ABCB1: variants seen among roughly 807,000 people sequenced by gnomAD.
The protein encoded by ABCB1 is ATP-dependent translocase ABCB1.
ABCB1 carries 69 observed loss-of-function variants against 142.0 expected under a neutral mutation model. The observed-to-expected ratio is 0.49, with a 90% CI of 0.40 to 0.59. ABCB1 has a LOEUF of 0.59. Ranked by LOEUF, ABCB1 falls within the 20% of genes least tolerant of loss-of-function variation. The pLI is 0.00. For missense variants in ABCB1, 1,326 were observed against 1,554.7 expected (o/e 0.85, Z 2.47); for synonymous variants, 532 against 539.2 (o/e 0.99, Z 0.18).
At chr7:87,618,787 C>A (rs1345854469) in intron 1 of ABCB1, among the ~76,000 whole-genome samples, 2 of 152,048 alleles carry the variant, frequency 1.3e-5, no homozygotes, top group Admixed American at 6.5e-5. Flanking sequence ...AGAGAGAATT[C>A]TTTAGTTAGG....
chr7:87,628,735 G>T, intron 1 of ABCB1: 1 of 800,326 alleles, frequency 1.2e-6, no homozygotes, highest in Non-Finnish European at 1.7e-6. Context: ...GCGCCCCCAC[G>T]GTTGCGGACC....
chr7:87,524,600 G>T (rs1487339662), intron 21 of ABCB1, among the ~76,000 whole-genome samples: 2 of 152,092 alleles, frequency 1.3e-5, no homozygotes, highest in African/African-American at 4.8e-5. Flanking sequence ...AGAGGGAAGG[G>T]GGGAGGGATA....
chr7:87,594,125 A>C (rs1013039060), intron 3 of ABCB1, among the ~76,000 whole-genome samples: 3 of 152,134 alleles, frequency 2.0e-5, no homozygotes, highest in Non-Finnish European at 4.4e-5. Context: ...TTCTATGTTG[A>C]CTTTTCAGGA....
intron 17 of ABCB1, 32 bp from the exon 18 acceptor site, chr7:87,541,496 C>T (rs760083939): frequency 6.8e-7 from 1 of 1,461,546 alleles, no homozygotes; most frequent in South Asian, 1.1e-5. Context: ...ATTTTTAGTT[C>T]AATCAGTGAA....
Position 87,681,483 on chromosome 7 carries a change from C to T in ABCB1, c.-331+31678G>A, listed in dbSNP as rs546580368. 3.4e-4 allele frequency among the ~76,000 whole-genome samples: 51 copies of T among 150,676 alleles called. 2 individuals are homozygous for T. Among genetic ancestry groups the T allele is most frequent in the Non-Finnish European group, 5.5e-4 (37 of 67,822 alleles). ...CAAAAAATTTTTGGTTTCCCCAGTG[C>T]GTATTAAAAGTTGTATTTACACTAC... On this transcript the variant is annotated intron_variant, in intron 1 of 28. Transcript: ENST00000265724.
At chr7:87,562,627 T>G (rs1233738043) in intron 7 of ABCB1, among the ~76,000 whole-genome samples, 2 of 152,156 alleles carry the variant, frequency 1.3e-5, no homozygotes, top group Non-Finnish European at 2.9e-5. Context: ...TTATTATTAA[T>G]ATATCAAACA....
intron 17 of ABCB1, among the ~76,000 whole-genome samples, chr7:87,541,898 A>C (rs1464833506): frequency 6.6e-6 from 1 of 152,216 alleles, no homozygotes; most frequent in Admixed American, 6.5e-5. Flanking sequence ...CACTCAGCCC[A>C]GGCCTTTCAA....
chr7:87,636,447 T>C (rs1821784495), intron 1 of ABCB1, among the ~76,000 whole-genome samples: 1 of 152,174 alleles, frequency 6.6e-6, no homozygotes, highest in Non-Finnish European at 1.5e-5. Context: ...GATGTGCAGT[T>C]CTTTGTACAT....
upstream of ABCB1, among the ~76,000 whole-genome samples, chr7:87,602,271 G>A (rs1256011377): frequency 6.6e-6 from 1 of 150,618 alleles, no homozygotes; most frequent in African/African-American, 2.4e-5. Flanking sequence ...GGGATTACAG[G>A]CGTGAGCTAC....
intron 25 of ABCB1, among the ~76,000 whole-genome samples, chr7:87,510,908 T>C (rs751177648): frequency 1.3e-5 from 2 of 152,140 alleles, no homozygotes; most frequent in Admixed American, 6.5e-5. Flanking sequence ...AAGCAGCAGA[T>C]CTTGTTAGAT....
At chr7:87,546,468 G>A (rs1236133644) in intron 14 of ABCB1, among the ~76,000 whole-genome samples, 1 of 151,580 alleles carries the variant, frequency 6.6e-6, no homozygotes, top group Non-Finnish European at 1.5e-5. Flanking sequence ...GGTGCCTGTA[G>A]TCCCCGCTAC....
chr7:87,550,992 T>C (rs1563048512), intron 9 of ABCB1, among the ~76,000 whole-genome samples, 154 bp from the exon 10 acceptor site: 1 of 152,224 alleles, frequency 6.6e-6, no homozygotes, highest in Non-Finnish European at 1.5e-5. Flanking sequence ...TAAAAGTTTG[T>C]AACTAACAGT....
At chr7:87,703,912 TG>T (rs1829339496) in intron 1 of ABCB1, among the ~76,000 whole-genome samples, 858 of 62,696 alleles carry the variant, frequency 0.014, no homozygotes, top group Non-Finnish European at 0.016. Flanking sequence ...TTTTTTTTTT[TG>T]GTTTTTTTTT....
At chr7:87,566,366 T>C (rs1817782183) in intron 6 of ABCB1, 125 bp from the exon 7 acceptor site, 1 of 992,322 alleles carries the variant, frequency 1.0e-6, no homozygotes, top group Admixed American at 1.9e-5. Context: ...TTTGTTTTAT[T>C]TAGCAGGGTA....
chr7:87,533,207 G>A (rs143316157), intron 20 of ABCB1, among the ~76,000 whole-genome samples: 54 of 152,166 alleles, frequency 3.5e-4, no homozygotes, highest in Middle Eastern at 3.4e-3. Flanking sequence ...GCTGGAGAAC[G>A]GCTGTGGCAC....
intron 1 of ABCB1, among the ~76,000 whole-genome samples, chr7:87,682,677 T>C (rs1827043558): frequency 6.6e-6 from 1 of 152,194 alleles, no homozygotes; most frequent in African/African-American, 2.4e-5. Flanking sequence ...TAAGCCAAAC[T>C]GTAAACAGAG....
At chr7:87,693,306 C>A (rs1828181629) in intron 1 of ABCB1, among the ~76,000 whole-genome samples, 1 of 151,912 alleles carries the variant, frequency 6.6e-6, no homozygotes, top group East Asian at 1.9e-4. Flanking sequence ...TTAAACTGAC[C>A]AACATTTTAT....
intron 1 of ABCB1, among the ~76,000 whole-genome samples, chr7:87,671,254 C>A (rs1825799351): frequency 6.6e-6 from 1 of 152,166 alleles, no homozygotes; most frequent in African/African-American, 2.4e-5. Context: ...GTGGACACGA[C>A]ACTTAGGGTT....
chr7:87,692,729 A>T lies in ABCB1; in HGVS notation c.-331+20432T>A, dbSNP rs140792970. On this transcript the variant is annotated intron_variant, in intron 1 of 28. Transcript: ENST00000265724. Reference sequence around the variant, plus strand: ...AATGTGGTTTAAATATTAGGAATTAATGTTATTTGCAATGAAAAGCATTCT... The same window carrying T: ...AATGTGGTTTAAATATTAGGAATTATTGTTATTTGCAATGAAAAGCATTCT... Among the ~76,000 whole-genome samples the T allele has an allele frequency of 6.6e-5, 10 of 152,334 alleles. No homozygotes were observed. The East Asian group carries it at 1.9e-3, about 29-fold the overall frequency.
Sources: gnomAD v4.1 joint callset for allele counts (sites outside exome capture counted in the v4.1 genomes callset) on GRCh38, gnomAD v4.1.1 for gene constraint, MANE v1.5 for transcripts, NCBI Gene and HGNC (gene_info 2026-07-23, HGNC 2026-07-21) for gene names.